Variants in CDC20B observed in about 807,000 individuals in gnomAD.
The protein encoded by CDC20B is cell division cycle protein 20 homolog B.
In CDC20B, 58 loss-of-function variants were observed where a neutral mutation model predicts 64.1. The observed-to-expected ratio is 0.90, with a 90% CI of 0.73 to 1.13. The LOEUF is 1.13. Among genes scored for constraint, CDC20B ranks in the 50% most tolerant of loss-of-function variants. The probability of loss-of-function intolerance (pLI) is 0.00; values close to 1 mark genes in which losing one functional copy is unlikely to be tolerated. For synonymous variants in CDC20B, 243 were observed against 230.6 expected (o/e 1.05, Z -0.49); for missense variants, 597 against 633.0 (o/e 0.94, Z 0.61).
chr5:55,130,420 T>G (rs336106), intron 6 of CDC20B, among the ~76,000 whole-genome samples: 2 of 151,876 alleles, frequency 1.3e-5, no homozygotes, highest in Non-Finnish European at 2.9e-5. Context: ...GTAAGTAGAG[T>G]CAGGTCTTAG....
Position 55,133,410 on chromosome 5 carries a change from A to G in CDC20B, c.697+2T>C. On this transcript the variant is annotated splice_donor_variant, in intron 6 of 11. Coordinates refer to ENST00000381375, the MANE Select transcript of CDC20B (RefSeq NM_001170402.1). LOFTEE classifies it high-confidence loss of function. ...TAATTCCCAATCTAAATGATAACTT[A>G]CAGTAGTCATTTCGAAGACCAGTAA... 4 of 1,431,222 alleles carry G rather than the reference A, an allele frequency of 2.8e-6. No individual in the cohort carries two copies. The highest frequency in any genetic ancestry group is 3.9e-6 in the Non-Finnish European group (4 of 1,030,766). The allele number at this position is 1,431,222 out of a possible 1,614,324, so 88.7% of individuals were successfully genotyped here.
chr5:55,155,203 G>A (rs1397447786), intron 2 of CDC20B, among the ~76,000 whole-genome samples: 1 of 152,128 alleles, frequency 6.6e-6, no homozygotes, highest in Non-Finnish European at 1.5e-5. Context: ...TAAACCAGGA[G>A]GAATTCAGAG....
intron 2 of CDC20B, chr5:55,170,869 A>G: frequency 5.9e-6 from 2 of 336,844 alleles, no homozygotes; most frequent in South Asian, 2.4e-5. Flanking sequence ...CTTCAAGACT[A>G]TAAGAAATAA....
At chr5:55,164,009 CA>C (rs766166053) in intron 2 of CDC20B, 1 of 1,381,838 alleles carries the variant, frequency 7.2e-7, no homozygotes, top group Non-Finnish European at 9.8e-7. Flanking sequence ...AAAATCTTGA[CA>C]AAGAATAAAA....
intron 11 of CDC20B, among the ~76,000 whole-genome samples, chr5:55,118,216 T>C (rs1449393785): frequency 6.6e-6 from 1 of 152,222 alleles, no homozygotes; most frequent in Non-Finnish European, 1.5e-5. Context: ...TATGTTTTTG[T>C]ATTAACAACT....
At position 55,114,208 on chromosome 5, in the gene CDC20B, G is replaced by A. The variant is rs1742571076; in HGVS notation, c.*10C>T. 6.2e-7 allele frequency: 1 copy of A among 1,612,322 alleles called. No individual in the cohort carries two copies. The highest frequency in any genetic ancestry group is 8.5e-7 in the Non-Finnish European group (1 of 1,179,204). On this transcript the variant is annotated 3_prime_UTR_variant, in exon 12 of 12. Transcript: ENST00000381375. This position sits in a 1 kb window ranked among gnomAD's most constrained non-coding sequence, Gnocchi z 4.1. ...GAAATAAGGAAACTGAAACCTAGAG[G>A]GGCTGGGTGCTAGTAGCAATTCCAT...
rs1322652996 is a variant in CDC20B, at chr5:55,172,640, A to T, written c.74T>A (p.Met25Lys). The T allele has an allele frequency of 6.2e-7, 1 of 1,611,984 alleles. No homozygotes were observed. Residue 25 changes from methionine to lysine, a missense_variant, in exon 2 of 12, where the codon ATG (methionine) becomes AAG (lysine). Met to Lys is a moderately conservative substitution (Grantham distance 95). Coordinates refer to ENST00000381375, the MANE Select transcript of CDC20B (RefSeq NM_001170402.1). The stretch of plus-strand genomic sequence containing the variant: ...CTTCAAGTCTTTGGAGAGCACACGC[A>T]TGATACTTTCCTTTGAAAACACAGA... Reference protein sequence around the residue: ...TEEEMLWESIMRVLSKDLKQK... With the variant: ...TEEEMLWESIKRVLSKDLKQK...
intron 6 of CDC20B, among the ~76,000 whole-genome samples, chr5:55,130,046 TGAAG>T (rs1742989471): frequency 6.6e-6 from 1 of 152,170 alleles, no homozygotes; most frequent in Non-Finnish European, 1.5e-5. Flanking sequence ...ATATTCTCCA[TGAAG>T]TGAAGAAAAA....
chr5:55,161,375 C>A (rs923158566), intron 2 of CDC20B: 2 of 941,590 alleles, frequency 2.1e-6, no homozygotes, highest in Admixed American at 2.5e-5. Flanking sequence ...ATAAAACTAT[C>A]ATCAAAGAGC....
chr5:55,162,090 CAAAAAA>C (rs34286995), intron 2 of CDC20B, among the ~76,000 whole-genome samples: 77 of 90,714 alleles, frequency 8.5e-4, no homozygotes, highest in Admixed American at 1.6e-3. Flanking sequence ...CCATATTAGT[CAAAAAA>C]AAAAAAAAAA....
At chr5:55,172,901 G>C (rs769836080) in intron 1 of CDC20B, 37 bp downstream of exon 1, 4 of 1,556,228 alleles carry the variant, frequency 2.6e-6, no homozygotes, top group Non-Finnish European at 3.5e-6. Flanking sequence ...CCCCGCATTA[G>C]AGAGTTAGGG....
chr5:55,124,814 T>C lies in CDC20B; in HGVS notation c.1204A>G (p.Thr402Ala), dbSNP rs1390677577. 6.2e-7 allele frequency: 1 copy of C among 1,613,874 alleles called. No individual in the cohort carries two copies. Among genetic ancestry groups the C allele is most frequent in the Non-Finnish European group, 8.5e-7 (1 of 1,179,742 alleles). ...ATTGGGTTTCTTACCTTGACTGCCGTAGACTGGGTTATGACTTTCAGCGGT... is the reference window on the plus strand; with the variant it reads ...ATTGGGTTTCTTACCTTGACTGCCGCAGACTGGGTTATGACTTTCAGCGGT... ...GQPLKVITQS[T>A]AVKAMDWCPW... Residue 402 changes from threonine (T) to alanine (A), a missense_variant, in exon 9 of 12, where the codon ACG (threonine) becomes GCG (alanine). Transcript: ENST00000381375.
chr5:55,173,067 G>C lies in CDC20B; in HGVS notation c.-67C>G. On this transcript the variant is annotated 5_prime_UTR_variant, in exon 1 of 12. Transcript: ENST00000381375. The stretch of plus-strand genomic sequence containing the variant: ...TCGACTGCCTCTGGTTTTCTTCCCA[G>C]GTCTAAGTCAGTCTTGACGCCTAAT... 1 of 1,434,300 alleles carries C rather than the reference G, an allele frequency of 7.0e-7. No homozygotes were observed. The allele number at this position is 1,434,300 out of a possible 1,614,324, so 88.8% of individuals were successfully genotyped here.
At chr5:55,159,331 C>T in intron 2 of CDC20B, among the ~76,000 whole-genome samples, 1 of 152,124 alleles carries the variant, frequency 6.6e-6, no homozygotes, top group East Asian at 1.9e-4. Flanking sequence ...TTTTTTCCAT[C>T]TACAGGTTGT....
intron 11 of CDC20B, among the ~76,000 whole-genome samples, chr5:55,118,528 C>T (rs948228733): frequency 2.6e-5 from 4 of 152,208 alleles, no homozygotes; most frequent in Non-Finnish European, 5.9e-5. Flanking sequence ...TATCCTATCA[C>T]ATGCCCCCAC....
At chr5:55,147,284 CATAAATATGTTATGTTTTATATAT>C (rs1743520254) in intron 2 of CDC20B, among the ~76,000 whole-genome samples, 1 of 125,084 alleles carries the variant, frequency 8.0e-6, no homozygotes, top group African/African-American at 3.0e-5. Flanking sequence ...ATTATATAAA[CATAAATATGTTATGTTTTATATAT>C]TTATATATTA....
At chr5:55,154,840 A>C (rs1397369485) in intron 2 of CDC20B, among the ~76,000 whole-genome samples, 1 of 152,200 alleles carries the variant, frequency 6.6e-6, no homozygotes, top group African/African-American at 2.4e-5. Flanking sequence ...TAGAAAAATA[A>C]ATTGTATTTA....
chr5:55,149,516 A>G (rs566089130), intron 2 of CDC20B, among the ~76,000 whole-genome samples: 2 of 152,244 alleles, frequency 1.3e-5, no homozygotes, highest in Non-Finnish European at 2.9e-5. Flanking sequence ...AGTGATCTAC[A>G]TATCACTCCC....
At chr5:55,141,988 T>A (rs1402146011) in intron 4 of CDC20B, among the ~76,000 whole-genome samples, 1 of 152,194 alleles carries the variant, frequency 6.6e-6, no homozygotes, top group Non-Finnish European at 1.5e-5. Flanking sequence ...ATAATATTCC[T>A]AAAATGGCCT....
Sources: allele counts gnomAD v4.1 joint callset (sites outside exome capture counted in the v4.1 genomes callset), GRCh38; gene constraint gnomAD v4.1.1; non-coding constraint Gnocchi (gnomAD v3.1); transcripts MANE v1.5; gene names NCBI Gene and HGNC (gene_info 2026-07-23, HGNC 2026-07-21).